Variants in SNTG2 observed in about 807,000 individuals in gnomAD.
SNTG2 encodes the protein gamma-2-syntrophin.
A neutral mutation model predicts 70.9 loss-of-function variants in SNTG2; 74 were observed. The ratio of observed to expected loss-of-function variants is 1.04; its 90% CI spans 0.86 to 1.27. SNTG2 has a LOEUF of 1.27. Among genes scored for constraint, SNTG2 ranks in the 50% most tolerant of loss-of-function variants. The probability of loss-of-function intolerance (pLI) is 0.00; values close to 1 mark genes in which losing one functional copy is unlikely to be tolerated. For missense variants in SNTG2, 717 were observed against 690.7 expected (o/e 1.04, Z -0.43); for synonymous variants, 278 against 273.8 (o/e 1.02, Z -0.15).
intron 12 of SNTG2, among the ~76,000 whole-genome samples, chr2:1,248,626 A>C (rs1677575757): frequency 1.3e-5 from 2 of 152,214 alleles, no homozygotes; most frequent in Admixed American, 6.5e-5. Context: ...CAAGTCCCAG[A>C]GGTGAACGTC....
chr2:1,149,834 CCCG>C, intron 6 of SNTG2, among the ~76,000 whole-genome samples: 1 of 151,106 alleles, frequency 6.6e-6, no homozygotes. Context: ...ACTACAGGCT[CCCG>C]CCACCGCGCC....
chr2:1,228,611 G>A (rs765765615), intron 9 of SNTG2, among the ~76,000 whole-genome samples: 3 of 152,232 alleles, frequency 2.0e-5, no homozygotes, highest in Non-Finnish European at 1.5e-5. Context: ...AGGGACAGGA[G>A]CCGACTTTGG....
chr2:1,276,690 T>G (rs114639582), intron 14 of SNTG2, among the ~76,000 whole-genome samples: 2,047 of 152,346 alleles, frequency 0.013, 46 homozygotes, highest in African/African-American at 0.047. Context: ...GGACTAATTT[T>G]GACTGTCGAG....
At chr2:1,360,766 A>T (rs1275190186) in intron 16 of SNTG2, among the ~76,000 whole-genome samples, 1 of 152,106 alleles carries the variant, frequency 6.6e-6, no homozygotes, top group African/African-American at 2.4e-5. Context: ...AGATGAGCAA[A>T]CCCTTCACTC....
At chr2:1,091,106 T>C (rs1462882929) in intron 2 of SNTG2, among the ~76,000 whole-genome samples, 1 of 152,042 alleles carries the variant, frequency 6.6e-6, no homozygotes, top group Middle Eastern at 3.2e-3. Flanking sequence ...AAGAGCGAAG[T>C]TGAAGGGCGA....
rs1012941033 is a variant in SNTG2 at position 1,049,298 on chromosome 2, T to C, written c.73-34220T>C. On this transcript the variant is annotated intron_variant, in intron 1 of 16. Transcript: ENST00000308624. ...CAGAGTCACTTCACTGCCCTAAAAT[T>C]CCTCTGTGCTCCACCTGCCCATTCT... Among the ~76,000 whole-genome samples the C allele has an allele frequency of 3.9e-5, 6 of 152,280 alleles. No individual in the cohort carries two copies. In the East Asian group the frequency reaches 1.2e-3, roughly 29 times the overall value.
intron 1 of SNTG2, among the ~76,000 whole-genome samples, chr2:1,008,049 G>T (rs1276160497): frequency 6.6e-6 from 1 of 152,118 alleles, no homozygotes. Flanking sequence ...CACAACACCC[G>T]ACCAGGTTTT....
rs567238613 is a variant in SNTG2 at position 1,152,579 on chromosome 2, T to C, written c.412-12969T>C. On this transcript the variant is annotated intron_variant, in intron 6 of 16. Transcript: ENST00000308624. ...GTTTCTAGGTGTGCACATGTGCATG[T>C]GTGTGTGTGCACATGTGCATGTGTG... 1.4e-3 allele frequency among the ~76,000 whole-genome samples: 205 copies of C among 149,154 alleles called. 1 individual carries two copies. The highest frequency in any genetic ancestry group is 5.1e-3 in the African/African-American group (200 of 39,094).
At chr2:996,598 ATGTATATGTG>A (rs1428832872) in intron 1 of SNTG2, among the ~76,000 whole-genome samples, 1 of 146,250 alleles carries the variant, frequency 6.8e-6, no homozygotes, top group Non-Finnish European at 1.5e-5. Context: ...CTACATATAT[ATGTATATGTG>A]TGTATATATT....
chr2:1,287,693 A>G (rs1679821425), intron 14 of SNTG2, among the ~76,000 whole-genome samples: 1 of 152,200 alleles, frequency 6.6e-6, no homozygotes, highest in Non-Finnish European at 1.5e-5. Context: ...TTCTCATTGG[A>G]GGGCCGGGGC....
intron 16 of SNTG2, among the ~76,000 whole-genome samples, chr2:1,360,315 G>GAGCTTT (rs1434813074): frequency 1.3e-5 from 2 of 152,160 alleles, no homozygotes; most frequent in Admixed American, 6.5e-5. Context: ...GTGCCAGAAA[G>GAGCTTT]CTCCAGCCAC....
At chr2:1,140,162 T>C (rs191161052) in intron 6 of SNTG2, among the ~76,000 whole-genome samples, 1 of 152,352 alleles carries the variant, frequency 6.6e-6, no homozygotes, top group Non-Finnish European at 1.5e-5. Context: ...GAATCCTTTG[T>C]AATATAAAAA....
intron 1 of SNTG2, among the ~76,000 whole-genome samples, chr2:956,400 A>G (rs1410919417): frequency 6.6e-6 from 1 of 152,062 alleles, no homozygotes; most frequent in Non-Finnish European, 1.5e-5. Flanking sequence ...ATAACCACTC[A>G]CCCCGTGGCT....
intron 9 of SNTG2, among the ~76,000 whole-genome samples, chr2:1,224,342 A>G (rs1303525087): frequency 6.6e-6 from 1 of 152,100 alleles, no homozygotes; most frequent in Non-Finnish European, 1.5e-5. Context: ...CTCTTCAAAA[A>G]CTGGATTTAA....
At chr2:1,208,663 G>A (rs185900076) in intron 8 of SNTG2, among the ~76,000 whole-genome samples, 54 of 152,278 alleles carry the variant, frequency 3.5e-4, no homozygotes, top group Non-Finnish European at 5.4e-4. Flanking sequence ...CGTTGCTACC[G>A]ATAACAAGGC....
At chr2:1,185,221 C>T (rs112085085) in intron 8 of SNTG2, among the ~76,000 whole-genome samples, 1 of 152,304 alleles carries the variant, frequency 6.6e-6, no homozygotes, top group East Asian at 1.9e-4. Context: ...TTGGGCAGCC[C>T]CACTGCTGTG....
In SNTG2 at chr2:1,097,071, T is replaced by C. The variant is rs1212214340; in HGVS notation, c.211-1125T>C. ...TCCAAAAAGGATCGAAATGGTAAAA[T>C]TTCCAATTAAAGTATTATTTGCTGT... On this transcript the variant is annotated intron_variant, in intron 2 of 16. Coordinates refer to ENST00000308624, the MANE Select transcript of SNTG2 (RefSeq NM_018968.4). This position sits in a 1 kb window ranked among gnomAD's most constrained non-coding sequence, Gnocchi z 4.1. Among the ~76,000 whole-genome samples the C allele has an allele frequency of 6.6e-6, 1 of 152,200 alleles. No homozygotes were observed. The highest frequency in any genetic ancestry group is 2.4e-5 in the African/African-American group (1 of 41,448).
chr2:1,043,600 G>A (rs566795549), intron 1 of SNTG2, among the ~76,000 whole-genome samples: 1 of 152,132 alleles, frequency 6.6e-6, no homozygotes, highest in Non-Finnish European at 1.5e-5. Flanking sequence ...TGTGGTAAAA[G>A]GAAGAGGTCC....
chr2:1,167,187 A>C (rs1287923499), intron 7 of SNTG2, among the ~76,000 whole-genome samples: 2 of 152,018 alleles, frequency 1.3e-5, no homozygotes, highest in African/African-American at 4.8e-5. Context: ...GGCAGAACTG[A>C]AACCTACAGG....
Sources: gnomAD v4.1 joint callset for allele counts (sites outside exome capture counted in the v4.1 genomes callset) on GRCh38, gnomAD v4.1.1 for gene constraint, Gnocchi (gnomAD v3.1) non-coding constraint, MANE v1.5 for transcripts, NCBI Gene and HGNC (gene_info 2026-07-23, HGNC 2026-07-21) for gene names.